Variants in CLEC4D observed in about 807,000 individuals in gnomAD.
The protein encoded by CLEC4D is C-type lectin domain family 4 member D, also known as C-type (calcium dependent, carbohydrate-recognition domain) lectin, superfamily member 8.
Under a neutral mutation model 21.1 loss-of-function variants are expected in CLEC4D, and 21 were observed. The ratio of observed to expected loss-of-function variants is 1.00; its 90% confidence interval spans 0.71 to 1.43. The LOEUF is 1.43. CLEC4D is among the 40% of genes most tolerant of loss of function. The pLI, the probability that CLEC4D is intolerant of heterozygous loss-of-function variation, is 0.00. For missense variants in CLEC4D, 289 were observed against 260.7 expected (o/e 1.11, Z -0.75); for synonymous variants, 85 against 83.1 (o/e 1.02, Z -0.12).
At chr12:8,524,155 T>C (rs940229732), downstream of CLEC4D, among the ~76,000 whole-genome samples, 1 of 148,558 alleles carries the variant, frequency 6.7e-6, no homozygotes, top group Admixed American at 6.7e-5. Context: ...TGGCCTGAAG[T>C]TTTTTTTTTG....
At chr12:8,525,965 T>C (rs1280447969), downstream of CLEC4D, among the ~76,000 whole-genome samples, 1 of 152,234 alleles carries the variant, frequency 6.6e-6, no homozygotes, top group Admixed American at 6.5e-5. Flanking sequence ...TGACTGGATA[T>C]GAAATTCCAG....
Position 8,521,139 on chromosome 12 carries a change from T to A in CLEC4D, c.516T>A (p.Asn172Lys). 6.2e-7 allele frequency: 1 copy of A among 1,613,142 alleles called. No homozygotes were observed. Among genetic ancestry groups the A allele is most frequent in the Non-Finnish European group, 8.5e-7 (1 of 1,179,436 alleles). Residue 172 changes from asparagine to lysine, a missense_variant, in exon 6 of 6, where the codon AAT (asparagine) becomes AAA (lysine). Coordinates refer to ENST00000299665, the MANE Select transcript of CLEC4D (RefSeq NM_080387.5). ...GTTCTTTCAGATTCTGGCATAAGAA[T>A]GAACCCGACAACTCTCAGGGAGAAA... ...FNPRRVFWHK[N>K]EPDNSQGENC...
chr12:8,520,380 A>T, intron 5 of CLEC4D, 39 bp downstream of exon 5: 4 of 1,586,064 alleles, frequency 2.5e-6, no homozygotes, highest in Non-Finnish European at 3.4e-6. Flanking sequence ...TTATAAGCAA[A>T]GGTTAGAAGA....
intron 4 of CLEC4D, 28 bp from the exon 5 acceptor site, chr12:8,520,198 C>A (rs1287228223): frequency 1.1e-5 from 18 of 1,609,892 alleles, no homozygotes; most frequent in Non-Finnish European, 1.5e-5. Context: ...ATTCATGCAA[C>A]TATATTAAAA....
chr12:8,513,665 A>G lies in CLEC4D; in HGVS notation c.-68A>G. ...TATATTCCCCTATCCACAGAAATAT[A>G]CTCTGGGGGAAAAAAAATAGAACAA... On this transcript the variant is annotated 5_prime_UTR_variant, in exon 1 of 6. The change creates a new upstream start codon in the 5' untranslated region. Coordinates refer to ENST00000299665, the MANE Select transcript of CLEC4D (RefSeq NM_080387.5). The G allele has an allele frequency of 2.4e-6, 2 of 820,484 alleles. No homozygotes were observed. Among genetic ancestry groups the G allele is most frequent in the Non-Finnish European group, 4.3e-6 (2 of 463,872 alleles). 50.8% of individuals were successfully genotyped at this position (820,484 alleles called of 1,614,324 possible).
chr12:8,518,155 C>T lies in CLEC4D; in HGVS notation c.122-9C>T. The T allele has an allele frequency of 1.0e-6, 1 of 998,620 alleles. No homozygotes were observed. The highest frequency in any genetic ancestry group is 1.7e-5 in the Admixed American group (1 of 58,100). The allele number at this position is 998,620 out of a possible 1,614,324, so 61.9% of individuals were successfully genotyped here. A position where few individuals can be genotyped will look rare whatever the true frequency, so the allele number is the denominator to read the frequency against. On this transcript the variant is annotated splice_polypyrimidine_tract_variant and intron_variant, in intron 2 of 5. Transcript: ENST00000299665. ...AAAAAGAAACCTAACTTGCTTTTATCCTTGACAGTGACTCATCACAACTTT... is the reference window on the plus strand; with the variant it reads ...AAAAAGAAACCTAACTTGCTTTTATTCTTGACAGTGACTCATCACAACTTT...
the CLEC4D span, among the ~76,000 whole-genome samples, chr12:8,531,264 C>A: frequency 6.6e-6 from 1 of 152,172 alleles, no homozygotes; most frequent in East Asian, 1.9e-4. Context: ...TCCCTCTCCC[C>A]CTCCCGCATA....
chr12:8,518,316 G>T lies in CLEC4D; in HGVS notation c.232+42G>T, dbSNP rs368638188. The T allele has an allele frequency of 5.9e-5, 48 of 813,860 alleles. No individual in the cohort carries two copies. The Middle Eastern group carries it at 8.8e-4, about 15-fold the overall frequency. The allele number at this position is 813,860 out of a possible 1,614,324, so 50.4% of individuals were successfully genotyped here. ...AATTTCTTTTTTAATTTCCATTTTC[G>T]TTCAAATTCATAGTCTGACTGAAGG... On this transcript the variant is annotated intron_variant, in intron 3 of 5. Coordinates refer to ENST00000299665, the MANE Select transcript of CLEC4D (RefSeq NM_080387.5).
At chr12:8,519,817 C>T (rs1940434374) in intron 4 of CLEC4D, among the ~76,000 whole-genome samples, 1 of 152,134 alleles carries the variant, frequency 6.6e-6, no homozygotes, top group African/African-American at 2.4e-5. Context: ...TTAATAGTTT[C>T]CTCAAGGATT....
At chr12:8,520,401 A>C (rs1940444070) in intron 5 of CLEC4D, 60 bp downstream of exon 5, 1 of 1,574,120 alleles carries the variant, frequency 6.4e-7, no homozygotes. Flanking sequence ...TGGTAGCAAG[A>C]AACATTCATT....
At chr12:8,528,039 C>T in the CLEC4D span, among the ~76,000 whole-genome samples, 2 of 152,302 alleles carry the variant, frequency 1.3e-5, no homozygotes, top group South Asian at 4.1e-4. Context: ...TATGATGAGA[C>T]AGCCTGGGTA....
At chr12:8,514,651 T>G (rs1940352766) in intron 1 of CLEC4D, among the ~76,000 whole-genome samples, 1 of 152,170 alleles carries the variant, frequency 6.6e-6, no homozygotes. Flanking sequence ...TAAGAGTGCT[T>G]ATTTCCCCTC....
intron 3 of CLEC4D, 63 bp from the exon 4 acceptor site, chr12:8,518,946 A>T: frequency 6.4e-7 from 1 of 1,563,264 alleles, no homozygotes. Context: ...TAGAATAGTT[A>T]TGCAATCTGT....
downstream of CLEC4D, among the ~76,000 whole-genome samples, chr12:8,524,343 G>A (rs1166293649): frequency 6.8e-6 from 1 of 146,172 alleles, no homozygotes; most frequent in Admixed American, 6.8e-5. Context: ...TTTTTTTTTT[G>A]TTTGGTAGTC....
At chr12:8,515,112 T>G in intron 1 of CLEC4D, 124 bp from the exon 2 acceptor site, 1 of 552,698 alleles carries the variant, frequency 1.8e-6, no homozygotes, top group Non-Finnish European at 3.3e-6. Flanking sequence ...GAGAAAATAT[T>G]TATGCTCTTC....
chr12:8,528,740 T>C, the CLEC4D span, among the ~76,000 whole-genome samples: 2 of 152,124 alleles, frequency 1.3e-5, no homozygotes, highest in Non-Finnish European at 2.9e-5. Flanking sequence ...ATAAATCTTC[T>C]AACCTGAACT....
intron 4 of CLEC4D, 72 bp downstream of exon 4, chr12:8,519,232 T>C: frequency 6.5e-7 from 1 of 1,547,680 alleles, no homozygotes; most frequent in Non-Finnish European, 8.7e-7. Context: ...AATTTCTCTG[T>C]CCTGTTATGC....
intron 2 of CLEC4D, among the ~76,000 whole-genome samples, chr12:8,516,016 G>T (rs1940375953): frequency 6.6e-6 from 1 of 152,080 alleles, no homozygotes; most frequent in Admixed American, 6.5e-5. Context: ...TCAGACATAT[G>T]GGAAAAGGAC....
chr12:8,522,871 G>A (rs1565493216), downstream of CLEC4D, among the ~76,000 whole-genome samples: 2 of 152,142 alleles, frequency 1.3e-5, no homozygotes, highest in Non-Finnish European at 2.9e-5. Context: ...GTTAATTTTT[G>A]TATAAGGTGT....
Sources: allele counts gnomAD v4.1 joint callset (sites outside exome capture counted in the v4.1 genomes callset), GRCh38; gene constraint gnomAD v4.1.1; transcripts MANE v1.5; gene names NCBI Gene and HGNC (gene_info 2026-07-23, HGNC 2026-07-21).